INSL6: variants seen among roughly 807,000 people sequenced by gnomAD.
INSL6 encodes the protein insulin like 6.
A neutral mutation model predicts 9.4 loss-of-function variants in INSL6; 16 were observed. That is an observed-to-expected ratio of 1.70 (90% CI 1.15 to 2.59). The LOEUF (loss-of-function observed/expected upper bound fraction) is 2.59. Ranked by LOEUF, INSL6 falls within the 30% of genes most tolerant of loss-of-function variation. The probability of loss-of-function intolerance (pLI) is 0.00; values close to 1 mark genes in which losing one functional copy is unlikely to be tolerated. For synonymous variants in INSL6, 154 were observed against 96.9 expected, an observed-to-expected ratio of 1.59 and a Z score of -3.46; for missense variants, 391 against 257.3, an observed-to-expected ratio of 1.52 and a Z score of -3.56.
chr9:5,060,562 A>C, the INSL6 span, among the ~76,000 whole-genome samples: 1 of 152,176 alleles, frequency 6.6e-6, no homozygotes, highest in Non-Finnish European at 1.5e-5. Context: ...TATCTGTCCA[A>C]ATTTTATCAT....
intron 1 of INSL6, among the ~76,000 whole-genome samples, chr9:5,175,528 C>G (rs968937784): frequency 1.2e-4 from 18 of 152,168 alleles, no homozygotes; most frequent in Admixed American, 3.3e-4. Flanking sequence ...AGGGGGTCCC[C>G]AACCACTGGG....
the INSL6 span, chr9:5,054,746 C>T: frequency 1.2e-6 from 2 of 1,613,254 alleles, no homozygotes; most frequent in East Asian, 2.2e-5. The surrounding 1 kb of genome is among the most constrained non-coding windows in gnomAD (Gnocchi z 4.9). Context: ...CTGCCTTCTA[C>T]ACAGAGAAAT....
chr9:5,162,404 C>G (rs1254463813), downstream of INSL6, among the ~76,000 whole-genome samples: 2 of 152,050 alleles, frequency 1.3e-5, no homozygotes, highest in African/African-American at 4.8e-5. Context: ...TATAGCTATG[C>G]AAATAACACA....
At chr9:5,020,803 G>C in the INSL6 span, among the ~76,000 whole-genome samples, 4 of 152,152 alleles carry the variant, frequency 2.6e-5, no homozygotes, top group African/African-American at 9.7e-5. Context: ...AGCAATGGAG[G>C]TGACTGTCGG....
chr9:5,015,396 G>A, the INSL6 span, among the ~76,000 whole-genome samples: 2 of 152,196 alleles, frequency 1.3e-5, no homozygotes, highest in Admixed American at 1.3e-4. Flanking sequence ...ATGCCAAGAT[G>A]TTAAATGTCT....
At chr9:5,052,587 A>C in the INSL6 span, among the ~76,000 whole-genome samples, 6 of 152,100 alleles carry the variant, frequency 3.9e-5, no homozygotes, top group Non-Finnish European at 8.8e-5. Flanking sequence ...CCAGAATCTA[A>C]TTTTAGAACA....
chr9:5,095,337 A>G, the INSL6 span, among the ~76,000 whole-genome samples: 1 of 152,152 alleles, frequency 6.6e-6, no homozygotes, highest in Non-Finnish European at 1.5e-5. Context: ...GAATAAATAT[A>G]GTAGTTCTTA....
chr9:5,027,665 C>G, the INSL6 span, among the ~76,000 whole-genome samples: 1 of 152,308 alleles, frequency 6.6e-6, no homozygotes, highest in African/African-American at 2.4e-5. Context: ...GAAGTTGATT[C>G]ACTCAAACCC....
the INSL6 span, among the ~76,000 whole-genome samples, chr9:5,003,056 G>T: frequency 6.6e-6 from 1 of 151,832 alleles, no homozygotes; most frequent in Non-Finnish European, 1.5e-5. Context: ...ATGTGAGTAT[G>T]TTTTTTTGGA....
the INSL6 span, among the ~76,000 whole-genome samples, chr9:5,069,545 TA>T: frequency 6.6e-6 from 1 of 152,120 alleles, no homozygotes; most frequent in Non-Finnish European, 1.5e-5. Flanking sequence ...TTCTGTATTT[TA>T]AAAATAAAGA....
At chr9:5,033,761 A>T in the INSL6 span, among the ~76,000 whole-genome samples, 2 of 152,194 alleles carry the variant, frequency 1.3e-5, no homozygotes, top group African/African-American at 4.8e-5. Flanking sequence ...AGAAAGGAAC[A>T]ACTGGTACCA....
chr9:5,035,833 C>T, the INSL6 span, among the ~76,000 whole-genome samples: 3 of 152,168 alleles, frequency 2.0e-5, no homozygotes, highest in Non-Finnish European at 4.4e-5. Context: ...GACAGGGATG[C>T]CCTCTCTCAC....
the INSL6 span, among the ~76,000 whole-genome samples, chr9:5,046,218 T>A: frequency 6.6e-6 from 1 of 152,188 alleles, no homozygotes; most frequent in African/African-American, 2.4e-5. Context: ...TTATCTTCTT[T>A]GCAGAGATGT....
chr9:5,172,391 T>C (rs573812998), intron 1 of INSL6, among the ~76,000 whole-genome samples: 29 of 152,218 alleles, frequency 1.9e-4, no homozygotes, highest in African/African-American at 6.3e-4. Flanking sequence ...ATTCACAACA[T>C]AGGTATGGGC....
chr9:5,058,397 C>T, the INSL6 span, among the ~76,000 whole-genome samples: 1 of 152,120 alleles, frequency 6.6e-6, no homozygotes, highest in African/African-American at 2.4e-5. Flanking sequence ...GGGGAAAGTG[C>T]CACTTTTAAA....
At chr9:5,115,081 A>T in the INSL6 span, among the ~76,000 whole-genome samples, 3 of 152,224 alleles carry the variant, frequency 2.0e-5, no homozygotes, top group Non-Finnish European at 4.4e-5. Context: ...GATCTAATTA[A>T]ACTAAACAGC....
At chr9:5,156,646 C>T (rs1172452260) in intron 2 of INSL6, among the ~76,000 whole-genome samples, 1 of 152,118 alleles carries the variant, frequency 6.6e-6, no homozygotes, top group Non-Finnish European at 1.5e-5. Flanking sequence ...ATTGCATTCT[C>T]TAGTTAATGT....
At chr9:5,116,150 C>A in the INSL6 span, among the ~76,000 whole-genome samples, 1 of 151,904 alleles carries the variant, frequency 6.6e-6, no homozygotes, top group East Asian at 1.9e-4. Flanking sequence ...TCATAACAAC[C>A]CTTGGAGAAC....
chr9:5,115,155 A>C, the INSL6 span, among the ~76,000 whole-genome samples: 1 of 152,180 alleles, frequency 6.6e-6, no homozygotes, highest in African/African-American at 2.4e-5. Context: ...AATTTTTTGC[A>C]ATCTAGCCAC....
Sources: allele counts gnomAD v4.1 joint callset (sites outside exome capture counted in the v4.1 genomes callset), GRCh38; gene constraint gnomAD v4.1.1; non-coding constraint Gnocchi (gnomAD v3.1); transcripts MANE v1.5; gene names NCBI Gene and HGNC (gene_info 2026-07-23, HGNC 2026-07-21).